The following ABCB1 variants were observed in gnomAD, a reference collection of about 807,000 sequenced individuals.
The protein encoded by ABCB1 is ATP binding cassette subfamily B member 1.
ABCB1 carries 69 observed loss-of-function variants against 142.0 expected under a neutral mutation model. That is an observed-to-expected ratio of 0.49 (90% CI 0.40 to 0.59). The LOEUF is 0.59. Ranked by LOEUF, ABCB1 falls within the 20% of genes least tolerant of loss-of-function variation. The probability of loss-of-function intolerance (pLI) is 0.00; values close to 1 mark genes in which losing one functional copy is unlikely to be tolerated. For synonymous variants in ABCB1, 532 were observed against 539.2 expected (o/e 0.99, Z 0.18); for missense variants, 1,326 against 1,554.7 (o/e 0.85, Z 2.47).
In ABCB1 at chr7:87,571,418, G is replaced by C. The variant is rs56227693; in HGVS notation, c.287-1195C>G. 9.8e-3 allele frequency among the ~76,000 whole-genome samples: 1,485 copies of C among 152,260 alleles called. 12 individuals carry two copies. Among genetic ancestry groups the C allele is most frequent in the Middle Eastern group, 0.034 (10 of 294 alleles). On this transcript the variant is annotated intron_variant, in intron 4 of 27. Coordinates refer to ENST00000622132, the MANE Select transcript of ABCB1 (RefSeq NM_001348946.2). The stretch of plus-strand genomic sequence containing the variant: ...CTACGAGAGTTTAGCCACCAGCAAT[G>C]TATACGATTAACTGGAATGTGGAGA...
chr7:87,531,541 T>C (rs1224713723), intron 20 of ABCB1, 44 bp from the exon 21 acceptor site: 1 of 1,561,474 alleles, frequency 6.4e-7, no homozygotes, highest in Non-Finnish European at 8.8e-7. Flanking sequence ...AATATTATCT[T>C]CACAACTCAT....
At chr7:87,589,761 G>A (rs150659529) in intron 3 of ABCB1, among the ~76,000 whole-genome samples, 178 of 146,056 alleles carry the variant, frequency 1.2e-3, no homozygotes, top group Non-Finnish European at 2.1e-3. Context: ...CTCCAGCCTG[G>A]GTGACAGAGT....
intron 1 of ABCB1, among the ~76,000 whole-genome samples, chr7:87,680,060 C>T (rs748094795): frequency 2.0e-5 from 3 of 150,386 alleles, no homozygotes; most frequent in African/African-American, 4.9e-5. Flanking sequence ...CAGTATATGA[C>T]GTTCCCCACC....
intron 19 of ABCB1, chr7:87,536,896 G>A (rs1297297803): frequency 3.3e-6 from 1 of 298,554 alleles, no homozygotes. Flanking sequence ...GTGAGGGGAG[G>A]TGCTATTTTA....
chr7:87,550,238 T>C lies in ABCB1; in HGVS notation c.1283A>G (p.Asn428Ser), dbSNP rs952222278. Residue 428 changes from asparagine (N) to serine (S), a missense_variant, in exon 12 of 28, where the codon AAC becomes AGC. By Grantham distance (46) the Asn-to-Ser change is conservative. Transcript: ENST00000622132. Reference protein sequence around the residue: ...QSGQTVALVGNSGCGKSTTVQ... With the variant: ...QSGQTVALVGSSGCGKSTTVQ... ...TGTTGTGCTCTTCCCACAGCCACTG[T>C]TTCCAACCAGGGCCACCGTCTGCCC... 1.9e-5 allele frequency: 30 copies of C among 1,614,044 alleles called. No individual in the cohort carries two copies. Among genetic ancestry groups the C allele is most frequent in the Middle Eastern group, 1.6e-4 (1 of 6,084 alleles).
chr7:87,546,822 A>G (rs138327261), intron 14 of ABCB1, among the ~76,000 whole-genome samples: 261 of 152,326 alleles, frequency 1.7e-3, no homozygotes, highest in African/African-American at 6.1e-3. Flanking sequence ...AATTTATTTT[A>G]TCCAATAAAA....
chr7:87,626,392 ATG>A (rs1270789627), intron 1 of ABCB1, among the ~76,000 whole-genome samples: 1 of 26,072 alleles, frequency 3.8e-5, no homozygotes, highest in Non-Finnish European at 5.4e-5. Flanking sequence ...TGTCATATAT[ATG>A]TGTCATATGT....
chr7:87,650,801 A>G (rs774938016), intron 1 of ABCB1: 5 of 1,469,372 alleles, frequency 3.4e-6, no homozygotes, highest in South Asian at 1.1e-5. Flanking sequence ...CCTAAAAGCA[A>G]CAATAATCTT....
chr7:87,518,099 C>T (rs1815331270), intron 23 of ABCB1, among the ~76,000 whole-genome samples: 2 of 152,156 alleles, frequency 1.3e-5, no homozygotes, highest in Non-Finnish European at 1.5e-5. Flanking sequence ...TGGGAACCCG[C>T]CCAGAATACA....
At chr7:87,612,536 G>A (rs1259599503) in intron 1 of ABCB1, among the ~76,000 whole-genome samples, 1 of 152,038 alleles carries the variant, frequency 6.6e-6, no homozygotes, top group African/African-American at 2.4e-5. Context: ...CCCCAATCAT[G>A]ATTTTGTGTG....
intron 4 of ABCB1, among the ~76,000 whole-genome samples, chr7:87,578,488 G>A (rs1209896516): frequency 6.6e-6 from 1 of 152,136 alleles, no homozygotes; most frequent in African/African-American, 2.4e-5. Flanking sequence ...TGCACTGTCT[G>A]TAGATTGCTT....
intron 1 of ABCB1, among the ~76,000 whole-genome samples, chr7:87,675,247 C>A (rs1826209626): frequency 6.6e-6 from 1 of 152,200 alleles, no homozygotes; most frequent in Admixed American, 6.5e-5. Flanking sequence ...AATGCCTTCC[C>A]TCCAAAGATC....
intron 1 of ABCB1, among the ~76,000 whole-genome samples, chr7:87,683,247 C>T (rs1452050692): frequency 6.6e-6 from 1 of 152,128 alleles, no homozygotes; most frequent in African/African-American, 2.4e-5. Flanking sequence ...CTATTCAGAC[C>T]ACTCAAACTT....
chr7:87,708,721 A>G, intron 1 of ABCB1, among the ~76,000 whole-genome samples: 1 of 152,062 alleles, frequency 6.6e-6, no homozygotes, highest in Non-Finnish European at 1.5e-5. Flanking sequence ...GTATTAACAT[A>G]ATTAGGCTGG....
chr7:87,692,449 C>T (rs1461867736), intron 1 of ABCB1, among the ~76,000 whole-genome samples: 2 of 152,106 alleles, frequency 1.3e-5, no homozygotes, highest in African/African-American at 4.8e-5. Context: ...AAAGTGAGAA[C>T]CTGTCTCTTA....
chr7:87,597,916 C>T (rs961933888), intron 2 of ABCB1, among the ~76,000 whole-genome samples: 5 of 152,074 alleles, frequency 3.3e-5, no homozygotes, highest in African/African-American at 1.2e-4. Flanking sequence ...TCACACACTA[C>T]GTTTGGTAGT....
intron 7 of ABCB1, among the ~76,000 whole-genome samples, chr7:87,562,273 T>C (rs1371266989): frequency 1.3e-5 from 2 of 152,230 alleles, no homozygotes; most frequent in Non-Finnish European, 2.9e-5. Context: ...GACATTGTGC[T>C]GCACGTACCT....
At chr7:87,551,945 T>C (rs976944353) in intron 9 of ABCB1, among the ~76,000 whole-genome samples, 1 of 152,172 alleles carries the variant, frequency 6.6e-6, no homozygotes, top group Non-Finnish European at 1.5e-5. Flanking sequence ...ACTAGTTATA[T>C]GTTGTTAGGC....
At chr7:87,681,301 G>C (rs1826906862) in intron 1 of ABCB1, among the ~76,000 whole-genome samples, 1 of 150,460 alleles carries the variant, frequency 6.6e-6, no homozygotes, top group Non-Finnish European at 1.5e-5. Context: ...GAAAATAGGA[G>C]ATAACATTTC....
Sources: gnomAD v4.1 joint callset for allele counts (sites outside exome capture counted in the v4.1 genomes callset) on GRCh38, gnomAD v4.1.1 for gene constraint, MANE v1.5 for transcripts, NCBI Gene and HGNC (gene_info 2026-07-23, HGNC 2026-07-21) for gene names.